MRPS6: variants seen among roughly 807,000 people sequenced by gnomAD.
MRPS6 encodes the protein small ribosomal subunit protein bS6m.
In MRPS6, 6 loss-of-function variants were observed where a neutral mutation model predicts 13.1. The ratio of observed to expected loss-of-function variants is 0.46; its 90% CI spans 0.25 to 0.91. The LOEUF is 0.91. Among genes scored for constraint, MRPS6 ranks in the 40% least tolerant of loss-of-function variants. The pLI is 0.18. For synonymous variants in MRPS6, 61 were observed against 56.5 expected (o/e 1.08, Z -0.36); for missense variants, 164 against 155.6 (o/e 1.05, Z -0.29).
At chr21:34,103,327 A>AC in intron 1 of MRPS6, 4 of 999,106 alleles carry the variant, frequency 4.0e-6, no homozygotes, top group Non-Finnish European at 4.8e-6. Context: ...AAAAAAAAAA[A>AC]AAAACATGCA....
chr21:34,098,384 C>T, intron 1 of MRPS6: 2 of 1,000,192 alleles, frequency 2.0e-6, no homozygotes, highest in Non-Finnish European at 2.4e-6. Flanking sequence ...TTGATTAGAT[C>T]ATGATATATC....
intron 1 of MRPS6, chr21:34,100,820 G>T: frequency 1.0e-6 from 1 of 1,000,184 alleles, no homozygotes; most frequent in Non-Finnish European, 1.2e-6. Flanking sequence ...ATATCATTTG[G>T]TGTGGCCTGT....
intron 1 of MRPS6, among the ~76,000 whole-genome samples, chr21:34,077,726 T>C (rs1000766232): frequency 6.6e-6 from 1 of 152,194 alleles, no homozygotes; most frequent in African/African-American, 2.4e-5. Flanking sequence ...AAATAGTACT[T>C]TGGTAGGGTA....
At chr21:34,101,433 G>A in intron 1 of MRPS6, 1 of 1,000,150 alleles carries the variant, frequency 1.0e-6, no homozygotes, top group Non-Finnish European at 1.2e-6. Context: ...GTAAGATTTT[G>A]CATTAGCCAG....
chr21:34,136,270 C>G (rs1039455904), intron 2 of MRPS6, among the ~76,000 whole-genome samples: 3 of 152,184 alleles, frequency 2.0e-5, no homozygotes, highest in African/African-American at 7.2e-5. Flanking sequence ...GCTTCAGCCT[C>G]CCAAGTAGCT....
chr21:34,096,337 A>C lies in MRPS6; in HGVS notation c.45+22592A>C. On this transcript the variant is annotated intron_variant, in intron 1 of 2. Transcript: ENST00000399312. The surrounding 1 kb of genome is among the most constrained non-coding windows in gnomAD (Gnocchi z 5.9). ...ATTGCAGCTCTGATGAGTGACTTAG[A>C]CTCTATCTTTAACAGTGCCAGTACC... 1.2e-6 allele frequency: 2 copies of C among 1,613,852 alleles called. No individual in the cohort carries two copies. Among genetic ancestry groups the C allele is most frequent in the Non-Finnish European group, 8.5e-7 (1 of 1,179,940 alleles).
At chr21:34,077,516 T>C (rs1602900349) in intron 1 of MRPS6, among the ~76,000 whole-genome samples, 1 of 152,214 alleles carries the variant, frequency 6.6e-6, no homozygotes, top group South Asian at 2.1e-4. Flanking sequence ...GGTTAATGGC[T>C]TAATAACTAA....
chr21:34,122,342 C>T (rs541499180), intron 1 of MRPS6: 2 of 152,112 alleles, frequency 1.3e-5, no homozygotes, highest in South Asian at 2.1e-4. Context: ...GTCTATGGGG[C>T]GTTATTTTTG....
At chr21:34,092,371 A>AC (rs66713948) in intron 1 of MRPS6, among the ~76,000 whole-genome samples, 152,314 of 152,314 alleles carry the variant, frequency 1, 76,157 homozygotes, top group Non-Finnish European at 1. Context: ...AAATCTAGAC[A>AC]CGACCCACAG....
At chr21:34,090,309 C>T (rs541899665) in intron 1 of MRPS6, among the ~76,000 whole-genome samples, 2 of 152,338 alleles carry the variant, frequency 1.3e-5, no homozygotes, top group East Asian at 3.9e-4. Flanking sequence ...AGTACACATA[C>T]ACTCTGCATC....
chr21:34,130,595 T>C (rs1980469165), intron 2 of MRPS6, among the ~76,000 whole-genome samples: 1 of 152,136 alleles, frequency 6.6e-6, no homozygotes. Flanking sequence ...AGTAGAGAGT[T>C]TTGTAGCATG....
intron 1 of MRPS6, chr21:34,104,941 G>A (rs903729461): frequency 1.0e-6 from 1 of 999,640 alleles, no homozygotes; most frequent in Non-Finnish European, 1.2e-6. Context: ...GCTTTAATTA[G>A]CCTAGGTGAA....
chr21:34,075,406 A>AT (rs952143575), intron 1 of MRPS6, among the ~76,000 whole-genome samples: 18 of 151,406 alleles, frequency 1.2e-4, no homozygotes, highest in South Asian at 1.0e-3. Flanking sequence ...TTCTTTTACC[A>AT]TTTTTTTTTA....
chr21:34,096,207 A>G lies in MRPS6; in HGVS notation c.45+22462A>G, dbSNP rs749953671. The G allele has an allele frequency of 1.2e-6, 2 of 1,614,182 alleles. No individual in the cohort carries two copies. Among genetic ancestry groups the G allele is most frequent in the Non-Finnish European group, 1.7e-6 (2 of 1,180,010 alleles). ...AGCTTGCATCAACCCAGAGCACTGC[A>G]TGCTGGTGTGTGGAAGCAGAGCTGG... On this transcript the variant is annotated intron_variant, in intron 1 of 2. Transcript: ENST00000399312. The surrounding 1 kb of genome is among the most constrained non-coding windows in gnomAD (Gnocchi z 5.9).
At chr21:34,118,742 T>A (rs1162795519) in intron 1 of MRPS6, among the ~76,000 whole-genome samples, 1 of 152,096 alleles carries the variant, frequency 6.6e-6, no homozygotes, top group Admixed American at 6.6e-5. Context: ...CTCAAACTCC[T>A]GGCCTCAAGT....
intron 1 of MRPS6, chr21:34,097,320 C>A (rs1979012046): frequency 6.2e-7 from 1 of 1,608,068 alleles, no homozygotes; most frequent in East Asian, 2.2e-5. Context: ...TGTGTGTTCA[C>A]TTGGAATTTT....
intron 1 of MRPS6, among the ~76,000 whole-genome samples, chr21:34,094,203 G>A (rs1978856074): frequency 6.6e-6 from 1 of 152,128 alleles, no homozygotes; most frequent in Non-Finnish European, 1.5e-5. Flanking sequence ...TTTTAGTTTT[G>A]TGTGGAATGT....
At chr21:34,134,606 CAT>C (rs1980621924) in intron 2 of MRPS6, among the ~76,000 whole-genome samples, 1 of 152,162 alleles carries the variant, frequency 6.6e-6, no homozygotes, top group African/African-American at 2.4e-5. Context: ...AGATAATAAA[CAT>C]ATTTGTCACC....
chr21:34,107,569 T>C (rs552481918), intron 1 of MRPS6, among the ~76,000 whole-genome samples: 10 of 152,340 alleles, frequency 6.6e-5, no homozygotes, highest in South Asian at 2.1e-4. Context: ...AGTTTTAGCA[T>C]TCATTTATCT....
Sources: gnomAD v4.1 joint callset for allele counts (sites outside exome capture counted in the v4.1 genomes callset) on GRCh38, gnomAD v4.1.1 for gene constraint, Gnocchi (gnomAD v3.1) non-coding constraint, MANE v1.5 for transcripts, NCBI Gene and HGNC (gene_info 2026-07-23, HGNC 2026-07-21) for gene names.